JAG1: variants seen among roughly 807,000 people sequenced by gnomAD.
The protein encoded by JAG1 is protein jagged-1.
JAG1 carries 23 observed loss-of-function variants against 148.7 expected under a neutral mutation model. That is an observed-to-expected ratio of 0.15 (90% CI 0.11 to 0.22). JAG1 has a LOEUF of 0.22. Ranked by LOEUF, JAG1 falls within the 10% of genes least tolerant of loss-of-function variation. The pLI is 1.00. For missense variants in JAG1, 1,054 were observed against 1,611.2 expected, an observed-to-expected ratio of 0.65 and a Z score of 5.92; for synonymous variants, 572 against 598.3, an observed-to-expected ratio of 0.96 and a Z score of 0.64.
At chr20:10,665,210 A>C (rs2067445193) in intron 2 of JAG1, among the ~76,000 whole-genome samples, 1 of 152,246 alleles carries the variant, frequency 6.6e-6, no homozygotes, top group African/African-American at 2.4e-5. Flanking sequence ...GGAGGGTAAA[A>C]GGGAGTTTCA....
Position 10,648,006 on chromosome 20 carries a change from C to T in JAG1, c.1674G>A (p.Lys558=), listed in dbSNP as rs761233599. 3 of 1,614,196 alleles carry T rather than the reference C, an allele frequency of 1.9e-6. No homozygotes were observed. The highest frequency in any genetic ancestry group is 1.1e-5 in the South Asian group (1 of 91,076). ...FCKCPEDYEG[K]NCSHLKDHCR... The stretch of plus-strand genomic sequence containing the variant: ...AGTGGTCTTTCAGGTGTGAGCAGTT[C>T]TTGCCCTCATAGTCCTCGGGGCACT... Residue 558 remains lysine (K), a synonymous_variant, in exon 13 of 26, where the codon AAG becomes AAA. Coordinates refer to ENST00000254958, the MANE Select transcript of JAG1 (RefSeq NM_000214.3).
intron 2 of JAG1, among the ~76,000 whole-genome samples, chr20:10,665,220 A>C (rs2067445264): frequency 6.6e-6 from 1 of 152,256 alleles, no homozygotes. Context: ...AGGGAGTTTC[A>C]TTCATAACTC....
chr20:10,648,654 G>T lies in JAG1; in HGVS notation c.1464C>A (p.Ile488=). 6.2e-7 allele frequency: 1 copy of T among 1,614,030 alleles called. No homozygotes were observed. The highest frequency in any genetic ancestry group is 1.1e-5 in the South Asian group (1 of 91,084). ...GYAGDHCERD[I]DECASNPCLN... is the part of the protein sequence containing the mutation. ...AACAGGGGTTGCTGGCACATTCATCGATGTCTCTCTCACAGTGATCGCCTG... is the reference window on the plus strand; with the variant it reads ...AACAGGGGTTGCTGGCACATTCATCTATGTCTCTCTCACAGTGATCGCCTG... Residue 488 remains isoleucine (I), a synonymous_variant, in exon 12 of 26, where the codon ATC becomes ATA. Coordinates refer to ENST00000254958, the MANE Select transcript of JAG1 (RefSeq NM_000214.3).
At position 10,641,062 on chromosome 20, in the gene JAG1, C is replaced by T. The variant is rs771991093; in HGVS notation, c.3048+51G>A. The T allele has an allele frequency of 4.3e-6, 7 of 1,613,558 alleles. No individual in the cohort carries two copies. The South Asian group carries it at 6.6e-5, about 15-fold the overall frequency. ...TTTGCTCCATTCAGACACTGGTTAA[C>T]CGAACTGCCTTGCCATCGAATAATG... On this transcript the variant is annotated intron_variant, in intron 24 of 25. Transcript: ENST00000254958.
chr20:10,662,854 T>G (rs1281250130), intron 3 of JAG1, among the ~76,000 whole-genome samples: 1 of 151,944 alleles, frequency 6.6e-6, no homozygotes, highest in Non-Finnish European at 1.5e-5. Flanking sequence ...AAGCTGGACT[T>G]AAGATTCCCA....
intron 25 of JAG1, among the ~76,000 whole-genome samples, chr20:10,640,425 A>G (rs981599093): frequency 1.3e-5 from 2 of 152,254 alleles, no homozygotes; most frequent in Non-Finnish European, 2.9e-5. Context: ...CGAGCCTCAC[A>G]GAGCTCAGCA....
rs1465814249 is a variant in JAG1, at chr20:10,673,160, C to A, written c.82-154G>T. ...CTACGTTCAAGGACTCAACATGATT[C>A]CGGGGCAAAAAAAAAAAAAAATGCA... On this transcript the variant is annotated intron_variant, in intron 1 of 25. Coordinates refer to ENST00000254958, the MANE Select transcript of JAG1 (RefSeq NM_000214.3). The surrounding 1 kb of genome is among the most constrained non-coding windows in gnomAD (Gnocchi z 4.7). 8.0e-6 allele frequency: 5 copies of A among 626,282 alleles called. No individual in the cohort carries two copies. The highest frequency in any genetic ancestry group is 1.3e-5 in the Non-Finnish European group (5 of 376,734). 38.8% of individuals were successfully genotyped at this position (626,282 alleles called of 1,614,324 possible). A position where few individuals can be genotyped will look rare whatever the true frequency, so the allele number is the denominator to read the frequency against.
intron 18 of JAG1, 86 bp downstream of exon 18, chr20:10,644,777 T>G: frequency 1.1e-6 from 1 of 948,524 alleles, no homozygotes; most frequent in East Asian, 2.4e-5. Flanking sequence ...CAAACAGCTC[T>G]GCTTCTGGTT....
rs1216277217 is a variant in JAG1, at chr20:10,647,039, G to A, written c.1785C>T (p.Ser595=). 7 of 1,614,108 alleles carry A rather than the reference G, an allele frequency of 4.3e-6. No homozygotes were observed. The African/African-American group carries it at 6.7e-5, about 15-fold the overall frequency. Residue 595 remains serine, a synonymous_variant, in exon 14 of 26, where the codon TCC becomes TCT. Transcript: ENST00000254958. ...NDTPEGVRYI[S]SNVCGPHGKC... ...TCCCGTGAGGACCACAGACGTTGGA[G>A]GAAATATACCGCACCCCTTCAGGTG...
intron 2 of JAG1, 124 bp from the exon 3 acceptor site, chr20:10,664,138 T>C: frequency 1.3e-6 from 1 of 799,552 alleles, no homozygotes; most frequent in South Asian, 1.4e-5. Flanking sequence ...AAAATTCTGT[T>C]GGTTGTTGCA....
In JAG1 at chr20:10,644,998, C is replaced by G; in HGVS notation, c.2228-19G>C. 6.3e-7 allele frequency: 1 copy of G among 1,587,260 alleles called. No homozygotes were observed. Among genetic ancestry groups the G allele is most frequent in the Non-Finnish European group, 8.7e-7 (1 of 1,155,816 alleles). On this transcript the variant is annotated intron_variant, in intron 17 of 25. Coordinates refer to ENST00000254958, the MANE Select transcript of JAG1 (RefSeq NM_000214.3). ...TTTCGGGCTATAAAAGAAGAGCAGA[C>G]ACGACCACCCTCCCTGAGTATCCAG...
intron 20 of JAG1, among the ~76,000 whole-genome samples, chr20:10,643,002 T>C (rs1003062030): frequency 1.3e-5 from 2 of 152,206 alleles, no homozygotes; most frequent in Non-Finnish European, 2.9e-5. Flanking sequence ...AATACATAAA[T>C]GAATGTGTGG....
Position 10,641,397 on chromosome 20 carries a change from C to G in JAG1, c.2916+63G>C, listed in dbSNP as rs2067270234. ...GAAGTAGATCCTAGCTCATGGCATT[C>G]CTCCTTTAAAGCAAGCAAGCAGACA... On this transcript the variant is annotated intron_variant, in intron 23 of 25. Coordinates refer to ENST00000254958, the MANE Select transcript of JAG1 (RefSeq NM_000214.3). The G allele has an allele frequency of 2.0e-6, 3 of 1,537,012 alleles. No individual in the cohort carries two copies. In the Admixed American group the frequency reaches 5.0e-5, roughly 26 times the overall value.
In JAG1 at chr20:10,652,123, C is replaced by T; in HGVS notation, c.1006+8G>A. On this transcript the variant is annotated splice_region_variant and intron_variant, in intron 7 of 25. Transcript: ENST00000254958. ...ACAAAGGGCTCTCATTCATCTTGGA[C>T]CACTTACCAATTTCACAGTTGGGTC... 1 of 1,613,856 alleles carries T rather than the reference C, an allele frequency of 6.2e-7. No individual in the cohort carries two copies. Among genetic ancestry groups the T allele is most frequent in the Non-Finnish European group, 8.5e-7 (1 of 1,179,780 alleles).
At chr20:10,653,658 G>A (rs1405650991) in intron 5 of JAG1, among the ~76,000 whole-genome samples, 2 of 151,888 alleles carry the variant, frequency 1.3e-5, no homozygotes, top group East Asian at 1.9e-4. Flanking sequence ...CACGATCAGC[G>A]CCAACCCCCT....
At position 10,645,800 on chromosome 20, in the gene JAG1, A is replaced by G; in HGVS notation, c.1999+171T>C. 1.5e-6 allele frequency: 1 copy of G among 675,128 alleles called. No individual in the cohort carries two copies. Among genetic ancestry groups the G allele is most frequent in the South Asian group, 1.7e-5 (1 of 59,588 alleles). 41.8% of individuals were successfully genotyped at this position (675,128 alleles called of 1,614,324 possible). A position where few individuals can be genotyped will look rare whatever the true frequency, so the allele number is the denominator to read the frequency against. ...CAGAAGCTCCTCCCCATAAGCTATC[A>G]TCAGGACTCATAAATGCAAATGAGA... On this transcript the variant is annotated intron_variant, in intron 15 of 25. Transcript: ENST00000254958. This position sits in a 1 kb window ranked among gnomAD's most constrained non-coding sequence, Gnocchi z 6.1.
chr20:10,648,500 G>C, intron 12 of JAG1, 49 bp downstream of exon 12: 1 of 1,504,368 alleles, frequency 6.6e-7, no homozygotes, highest in Middle Eastern at 2.3e-4. Context: ...GGAGGAGGCA[G>C]CGGCTCTGCT....
At chr20:10,640,415 C>T (rs773794828) in intron 25 of JAG1, among the ~76,000 whole-genome samples, 1 of 152,224 alleles carries the variant, frequency 6.6e-6, no homozygotes, top group Non-Finnish European at 1.5e-5. Flanking sequence ...GCGGGGCCAT[C>T]GAGCCTCACA....
intron 7 of JAG1, among the ~76,000 whole-genome samples, chr20:10,651,928 C>T (rs1355726017): frequency 2.0e-5 from 3 of 152,180 alleles, no homozygotes; most frequent in Admixed American, 6.5e-5. Context: ...TTTCATCTCC[C>T]GCTGCCTCCT....
Sources: allele counts gnomAD v4.1 joint callset (sites outside exome capture counted in the v4.1 genomes callset), GRCh38; gene constraint gnomAD v4.1.1; non-coding constraint Gnocchi (gnomAD v3.1); transcripts MANE v1.5; gene names NCBI Gene and HGNC (gene_info 2026-07-23, HGNC 2026-07-21).